Variants in ASTN2 observed in about 807,000 individuals in gnomAD.
ASTN2 encodes the protein astrotactin 2, also known as astrotactin-2.
In ASTN2, 54 loss-of-function variants were observed where a neutral mutation model predicts 139.8. The observed-to-expected ratio is 0.39, with a 90% CI of 0.31 to 0.48. The LOEUF is 0.48. ASTN2 is among the 20% of genes least tolerant of loss of function. The pLI, the probability that ASTN2 is intolerant of heterozygous loss-of-function variation, is 0.95. For missense variants in ASTN2, 1,565 were observed against 1,725.1 expected (o/e 0.91, Z 1.64); for synonymous variants, 756 against 719.5 (o/e 1.05, Z -0.81).
intron 17 of ASTN2, among the ~76,000 whole-genome samples, chr9:116,629,681 G>A (rs1039198030): frequency 6.6e-6 from 1 of 151,990 alleles, no homozygotes; most frequent in African/African-American, 2.4e-5. Context: ...TCACAGAAAC[G>A]ACACCTAATT....
chr9:116,946,956 C>CAAAA (rs1835417302), intron 10 of ASTN2, among the ~76,000 whole-genome samples: 1 of 108,168 alleles, frequency 9.2e-6, no homozygotes, highest in African/African-American at 3.8e-5. Flanking sequence ...AAAAAACAAC[C>CAAAA]CAGATTGTCT....
intron 2 of ASTN2, among the ~76,000 whole-genome samples, chr9:117,286,666 C>T (rs1381780752): frequency 6.6e-6 from 1 of 152,212 alleles, no homozygotes; most frequent in Non-Finnish European, 1.5e-5. Context: ...TTTCCTCTGA[C>T]TTTGCACCTG....
chr9:117,081,560 A>G (rs183197628), intron 5 of ASTN2, among the ~76,000 whole-genome samples: 15 of 152,364 alleles, frequency 9.8e-5, no homozygotes, highest in Admixed American at 2.6e-4. Context: ...AGATTACATT[A>G]TATGACAAGG....
intron 19 of ASTN2, among the ~76,000 whole-genome samples, chr9:116,497,646 A>G (rs1849709545): frequency 6.6e-6 from 1 of 152,182 alleles, no homozygotes; most frequent in Non-Finnish European, 1.5e-5. Flanking sequence ...TCTGGAGGAC[A>G]AATGATGCTA....
In ASTN2 at chr9:117,016,621, TATC is replaced by T. The variant is rs1407782279; in HGVS notation, c.1424-8365_1424-8363del. 4.0e-3 allele frequency among the ~76,000 whole-genome samples: 11 copies of T among 2,782 alleles called. 2 individuals carry two copies. The highest frequency in any genetic ancestry group is 0.029 in the East Asian group (2 of 68). The allele number at this position is 2,782 out of a possible 152,430, so 1.8% of individuals were successfully genotyped here. Reference sequence around the variant, plus strand: ...ATATATATCTATATCTATATCTATCTATCTATATATATATATATATATATATAT... The same window carrying T: ...ATATATATCTATATCTATATCTATCTTATATATATATATATATATATATAT... On this transcript the variant is annotated intron_variant, in intron 6 of 22. Coordinates refer to ENST00000313400, the MANE Select transcript of ASTN2 (RefSeq NM_001365068.1).
At chr9:116,529,666 G>A (rs1851237598) in intron 19 of ASTN2, among the ~76,000 whole-genome samples, 1 of 152,086 alleles carries the variant, frequency 6.6e-6, no homozygotes, top group Non-Finnish European at 1.5e-5. Flanking sequence ...TGTCAGGGGA[G>A]GGGCCTGGTG....
At chr9:116,690,470 T>C in intron 16 of ASTN2, among the ~76,000 whole-genome samples, 1 of 152,334 alleles carries the variant, frequency 6.6e-6, no homozygotes, top group South Asian at 2.1e-4. Flanking sequence ...TGGAGAATAG[T>C]TGGAAGCCAG....
Position 116,699,482 on chromosome 9 carries a change from CAT to C in ASTN2, c.2806+26287_2806+26288del. 1 of 1,614,184 alleles carries C rather than the reference CAT, an allele frequency of 6.2e-7. No individual in the cohort carries two copies. Among genetic ancestry groups the C allele is most frequent in the Non-Finnish European group, 8.5e-7 (1 of 1,180,032 alleles). On this transcript the variant is annotated intron_variant, in intron 16 of 22. Coordinates refer to ENST00000313400, the MANE Select transcript of ASTN2 (RefSeq NM_001365068.1). This position sits in a 1 kb window ranked among gnomAD's most constrained non-coding sequence, Gnocchi z 4.2. ...ATGAGGATTTCCGCTGCATTGCTGGCATGTGTGTGGATGCTCGTGGTGATCTC... is the reference window on the plus strand; with the variant it reads ...ATGAGGATTTCCGCTGCATTGCTGGCGTGTGTGGATGCTCGTGGTGATCTC...
At chr9:117,260,804 AG>A (rs1833804249) in intron 2 of ASTN2, among the ~76,000 whole-genome samples, 1 of 152,190 alleles carries the variant, frequency 6.6e-6, no homozygotes, top group African/African-American at 2.4e-5. Context: ...AAAACCCAAT[AG>A]GCACATACCA....
chr9:116,626,494 A>T (rs1214101649), intron 17 of ASTN2, among the ~76,000 whole-genome samples: 2 of 152,124 alleles, frequency 1.3e-5, no homozygotes, highest in Non-Finnish European at 2.9e-5. Context: ...TTCTAACAAA[A>T]GAGATGACAG....
chr9:117,040,552 G>A (rs753224750), intron 5 of ASTN2, among the ~76,000 whole-genome samples: 19 of 152,128 alleles, frequency 1.2e-4, no homozygotes, highest in Non-Finnish European at 2.5e-4. Context: ...TCCGCCACAC[G>A]GGTTCAAGTG....
intron 4 of ASTN2, among the ~76,000 whole-genome samples, chr9:117,120,445 TTTTA>T (rs1481142742): frequency 2.0e-5 from 3 of 152,152 alleles, no homozygotes; most frequent in Non-Finnish European, 2.9e-5. Flanking sequence ...ACTTATGGAC[TTTTA>T]TTTGGACAAT....
Position 116,860,618 on chromosome 9 carries a change from A to G in ASTN2, c.2040+2965T>C, listed in dbSNP as rs527244561. Among the ~76,000 whole-genome samples, 24 of 152,216 alleles carry G rather than the reference A, an allele frequency of 1.6e-4. 1 individual carries two copies. In the South Asian group the frequency reaches 5.0e-3, roughly 32 times the overall value. ...TCCTTTCCATGATTCTTCAACGAGA[A>G]CTCATCTCAGCTCCCAGTGTGGGAA... On this transcript the variant is annotated intron_variant, in intron 11 of 22. Coordinates refer to ENST00000313400, the MANE Select transcript of ASTN2 (RefSeq NM_001365068.1).
chr9:117,395,741 CAG>C (rs367550001), intron 1 of ASTN2, among the ~76,000 whole-genome samples: 36 of 146,896 alleles, frequency 2.5e-4, no homozygotes, highest in African/African-American at 8.3e-4. Context: ...TGCAAATACG[CAG>C]AGTTACACAG....
chr9:117,349,571 G>A (rs1467140991), intron 1 of ASTN2, among the ~76,000 whole-genome samples: 4 of 152,132 alleles, frequency 2.6e-5, no homozygotes, highest in Non-Finnish European at 1.5e-5. Flanking sequence ...TAGTCCTTAA[G>A]AGACCAGGCA....
intron 3 of ASTN2, among the ~76,000 whole-genome samples, chr9:117,210,630 A>G (rs1832089940): frequency 6.6e-6 from 1 of 152,166 alleles, no homozygotes; most frequent in Admixed American, 6.5e-5. Flanking sequence ...TGAATGTATA[A>G]AGAAGAATTA....
chr9:116,697,078 C>T (rs941286430), intron 16 of ASTN2, among the ~76,000 whole-genome samples: 8 of 152,062 alleles, frequency 5.3e-5, no homozygotes, highest in Admixed American at 5.2e-4. Flanking sequence ...GGAAGCCTTC[C>T]CCAAGTCTGT....
At chr9:116,511,233 A>C (rs1850362810) in intron 19 of ASTN2, among the ~76,000 whole-genome samples, 1 of 152,202 alleles carries the variant, frequency 6.6e-6, no homozygotes, top group Non-Finnish European at 1.5e-5. Flanking sequence ...ATTTTGTCAA[A>C]GGCCTTTTCT....
chr9:116,532,972 T>C (rs1013927625), intron 19 of ASTN2, among the ~76,000 whole-genome samples: 3 of 152,214 alleles, frequency 2.0e-5, no homozygotes, highest in Non-Finnish European at 2.9e-5. Context: ...TTTTGCAATA[T>C]TGATTCTTCC....
Sources: gnomAD v4.1 joint callset for allele counts (sites outside exome capture counted in the v4.1 genomes callset) on GRCh38, gnomAD v4.1.1 for gene constraint, Gnocchi (gnomAD v3.1) non-coding constraint, MANE v1.5 for transcripts, NCBI Gene and HGNC (gene_info 2026-07-23, HGNC 2026-07-21) for gene names.